Variants in GRM7 observed in about 807,000 individuals in gnomAD.
GRM7 encodes metabotropic glutamate receptor 7.
A neutral mutation model predicts 84.5 loss-of-function variants in GRM7; 35 were observed. The observed-to-expected ratio is 0.41, with a 90% CI of 0.32 to 0.55. The LOEUF (loss-of-function observed/expected upper bound fraction) is 0.55. Among genes scored for constraint, GRM7 ranks in the 20% least tolerant of loss-of-function variants. GRM7 has a pLI of 0.19. For missense variants in GRM7, 1,003 were observed against 1,194.6 expected, an observed-to-expected ratio of 0.84 and a Z score of 2.36; for synonymous variants, 487 against 455.1, an observed-to-expected ratio of 1.07 and a Z score of -0.89.
intron 2 of GRM7, among the ~76,000 whole-genome samples, chr3:7,175,033 C>A (rs1056156456): frequency 1.3e-5 from 2 of 152,114 alleles, no homozygotes; most frequent in African/African-American, 4.8e-5. Flanking sequence ...GATTAAGGAG[C>A]GAGATCAGGC....
chr3:7,279,695 C>T (rs530437835), intron 2 of GRM7, among the ~76,000 whole-genome samples: 2 of 152,182 alleles, frequency 1.3e-5, no homozygotes, highest in Non-Finnish European at 2.9e-5. Context: ...CTTCTCAGCT[C>T]TACTTCCATA....
chr3:7,167,841 C>T (rs1244529788), intron 2 of GRM7, among the ~76,000 whole-genome samples: 6 of 151,938 alleles, frequency 3.9e-5, no homozygotes, highest in Middle Eastern at 6.8e-3. Flanking sequence ...TGGTGGCAGG[C>T]ACCTGTAGTC....
intron 9 of GRM7, among the ~76,000 whole-genome samples, chr3:7,726,641 A>G (rs867053649): frequency 9.1e-6 from 1 of 110,394 alleles, no homozygotes; most frequent in Non-Finnish European, 1.9e-5. Flanking sequence ...ATATATATAT[A>G]TATATATATA....
At chr3:6,909,734 C>T (rs879508936) in intron 1 of GRM7, among the ~76,000 whole-genome samples, 3 of 151,998 alleles carry the variant, frequency 2.0e-5, no homozygotes, top group Non-Finnish European at 4.4e-5. Context: ...GGTCTAGACT[C>T]GATATCAGGA....
At chr3:7,541,455 T>C (rs1027304531) in intron 7 of GRM7, among the ~76,000 whole-genome samples, 3 of 152,196 alleles carry the variant, frequency 2.0e-5, no homozygotes, top group Non-Finnish European at 4.4e-5. Flanking sequence ...ATGTGAATTA[T>C]GTACCAGGCA....
chr3:7,609,036 C>G (rs1416358663), intron 8 of GRM7, among the ~76,000 whole-genome samples: 1 of 152,128 alleles, frequency 6.6e-6, no homozygotes, highest in East Asian at 1.9e-4. Context: ...CATGTGCAGC[C>G]TTATTTCTGG....
chr3:7,252,880 C>G (rs925940200), intron 2 of GRM7, among the ~76,000 whole-genome samples: 1 of 151,066 alleles, frequency 6.6e-6, no homozygotes, highest in Non-Finnish European at 1.5e-5. Context: ...TTAGTAGAGA[C>G]GGAGTTTCAC....
intron 1 of GRM7, among the ~76,000 whole-genome samples, chr3:7,008,627 T>G (rs1695260075): frequency 6.6e-6 from 1 of 152,222 alleles, no homozygotes; most frequent in Non-Finnish European, 1.5e-5. Flanking sequence ...AGAAAACAAC[T>G]TGATGATGAT....
chr3:7,724,357 CTCCTAAT>C (rs1388484894), intron 9 of GRM7, among the ~76,000 whole-genome samples: 1 of 152,228 alleles, frequency 6.6e-6, no homozygotes, highest in Admixed American at 6.5e-5. Flanking sequence ...AGAAGCCACT[CTCCTAAT>C]TCAGGCATGG....
At chr3:7,044,668 T>C (rs1696737710) in intron 1 of GRM7, among the ~76,000 whole-genome samples, 1 of 152,180 alleles carries the variant, frequency 6.6e-6, no homozygotes, top group South Asian at 2.1e-4. Context: ...TTCAGAATCT[T>C]TTCTACGGCT....
At chr3:7,710,819 C>A (rs561322289) in intron 9 of GRM7, among the ~76,000 whole-genome samples, 5 of 152,336 alleles carry the variant, frequency 3.3e-5, no homozygotes, top group African/African-American at 1.2e-4. Flanking sequence ...ATAATCTTCA[C>A]CCCATCATGT....
chr3:7,083,079 T>C (rs1197744986), intron 1 of GRM7, among the ~76,000 whole-genome samples: 1 of 152,138 alleles, frequency 6.6e-6, no homozygotes, highest in Non-Finnish European at 1.5e-5. Flanking sequence ...GAGGATTGAC[T>C]CCACTTTTGA....
intron 1 of GRM7, among the ~76,000 whole-genome samples, chr3:6,955,391 G>C (rs1266971083): frequency 1.3e-5 from 2 of 152,046 alleles, no homozygotes; most frequent in Non-Finnish European, 2.9e-5. Context: ...ACAAAAATTA[G>C]CTGGGCATGG....
intron 8 of GRM7, among the ~76,000 whole-genome samples, chr3:7,600,467 A>G (rs1181932868): frequency 6.6e-6 from 1 of 152,106 alleles, no homozygotes; most frequent in Non-Finnish European, 1.5e-5. Context: ...CTTGGTAAGC[A>G]ACACAAATGA....
chr3:7,645,541 C>A (rs2125108815), intron 8 of GRM7, among the ~76,000 whole-genome samples: 1 of 106,198 alleles, frequency 9.4e-6, no homozygotes, highest in Admixed American at 1.0e-4. Flanking sequence ...AGCAAGACTC[C>A]ATCTTAAAAA....
chr3:6,885,071 A>T (rs1695640859), intron 1 of GRM7, among the ~76,000 whole-genome samples: 1 of 152,218 alleles, frequency 6.6e-6, no homozygotes. Flanking sequence ...GTCTGAGCAG[A>T]TGAGAATTTA....
At chr3:7,380,959 G>A (rs553442348) in intron 4 of GRM7, among the ~76,000 whole-genome samples, 10 of 152,206 alleles carry the variant, frequency 6.6e-5, no homozygotes, top group East Asian at 1.9e-4. Flanking sequence ...AAGGAAGACC[G>A]TGTGTTTTGA....
At chr3:7,236,513 G>A (rs1021361742) in intron 2 of GRM7, among the ~76,000 whole-genome samples, 2 of 152,130 alleles carry the variant, frequency 1.3e-5, no homozygotes, top group Middle Eastern at 3.2e-3. Context: ...TGTGAATGTG[G>A]GCTGGCCTTG....
chr3:6,957,240 ATC>A, intron 1 of GRM7, among the ~76,000 whole-genome samples: 1 of 152,268 alleles, frequency 6.6e-6, no homozygotes, highest in South Asian at 2.1e-4. Flanking sequence ...GTTAAAATTA[ATC>A]TCTCTGTTGA....
Sources: gnomAD v4.1 joint callset for allele counts (sites outside exome capture counted in the v4.1 genomes callset) on GRCh38, gnomAD v4.1.1 for gene constraint, MANE v1.5 for transcripts, NCBI Gene and HGNC (gene_info 2026-07-23, HGNC 2026-07-21) for gene names.